MKLN1: variants seen among roughly 807,000 people sequenced by gnomAD.
The protein encoded by MKLN1 is muskelin 1, also known as muskelin.
MKLN1 carries 18 observed loss-of-function variants against 99.0 expected under a neutral mutation model. That is an observed-to-expected ratio of 0.18 (90% CI 0.13 to 0.27). MKLN1 has a LOEUF of 0.27. MKLN1 is among the 10% of genes least tolerant of loss of function. The pLI is 1.00. For synonymous variants in MKLN1, 288 were observed against 293.2 expected, an observed-to-expected ratio of 0.98 and a Z score of 0.18; for missense variants, 621 against 875.9, an observed-to-expected ratio of 0.71 and a Z score of 3.67.
At chr7:131,231,119 C>CA (rs58048470) in intron 3 of MKLN1, among the ~76,000 whole-genome samples, 5,050 of 60,134 alleles carry the variant, frequency 0.084, 524 homozygotes, top group East Asian at 0.18. Flanking sequence ...GACTCTGTCT[C>CA]AAAAAAAAAA....
chr7:131,230,540 C>T (rs1797226414), intron 3 of MKLN1, among the ~76,000 whole-genome samples: 1 of 152,208 alleles, frequency 6.6e-6, no homozygotes, highest in South Asian at 2.1e-4. Flanking sequence ...TTCTGATTAA[C>T]CCCAGTTCTG....
At chr7:131,347,974 C>T (rs1354628689) in intron 1 of MKLN1, among the ~76,000 whole-genome samples, 1 of 152,086 alleles carries the variant, frequency 6.6e-6, no homozygotes, top group Non-Finnish European at 1.5e-5. Flanking sequence ...TGGTTTGTGA[C>T]CTGATGAACA....
chr7:131,356,817 C>T (rs1487647801), intron 1 of MKLN1, among the ~76,000 whole-genome samples: 2 of 152,148 alleles, frequency 1.3e-5, no homozygotes, highest in African/African-American at 4.8e-5. Context: ...CAAGTTACCC[C>T]GATTCCGTAT....
chr7:131,341,112 A>C (rs529828712), intron 1 of MKLN1, among the ~76,000 whole-genome samples: 18 of 152,026 alleles, frequency 1.2e-4, no homozygotes, highest in Admixed American at 3.3e-4. Context: ...ATTTTGATTA[A>C]TTTTAAGTTA....
intron 3 of MKLN1, among the ~76,000 whole-genome samples, chr7:131,268,974 A>C (rs750694413): frequency 2.6e-5 from 4 of 152,234 alleles, no homozygotes; most frequent in Non-Finnish European, 4.4e-5. Flanking sequence ...TAACTTGTTC[A>C]CACATAGGAC....
intron 12 of MKLN1, among the ~76,000 whole-genome samples, chr7:131,457,477 T>C (rs953965134): frequency 1.3e-5 from 2 of 152,092 alleles, no homozygotes; most frequent in African/African-American, 2.4e-5. Context: ...AATTAATCAG[T>C]TGGAAGATTA....
intron 9 of MKLN1, among the ~76,000 whole-genome samples, chr7:131,434,707 C>T (rs1795627242): frequency 6.6e-6 from 1 of 152,120 alleles, no homozygotes; most frequent in African/African-American, 2.4e-5. Flanking sequence ...GCGCGTGCCT[C>T]CATGCCCAGC....
chr7:131,160,438 G>T (rs960714420), intron 2 of MKLN1, among the ~76,000 whole-genome samples: 17 of 150,718 alleles, frequency 1.1e-4, no homozygotes, highest in Middle Eastern at 3.5e-3. Context: ...ATACCTAGGA[G>T]AATTATTCAG....
chr7:131,398,247 T>C lies in MKLN1; in HGVS notation c.510+871T>C, dbSNP rs555794981. ...GAACATATTCCTGAAGTTGAGATTT[T>C]TTTAAAAAAATCCTTTTTATAAGAT... On this transcript the variant is annotated intron_variant, in intron 5 of 17. Coordinates refer to ENST00000352689, the MANE Select transcript of MKLN1 (RefSeq NM_013255.5). 3.2e-4 allele frequency among the ~76,000 whole-genome samples: 49 copies of C among 152,318 alleles called. 1 individual carries two copies. The highest frequency in any genetic ancestry group is 6.0e-4 in the Non-Finnish European group (41 of 68,022).
intron 6 of MKLN1, among the ~76,000 whole-genome samples, chr7:131,409,039 C>T (rs1372018091): frequency 6.6e-6 from 1 of 152,170 alleles, no homozygotes; most frequent in Non-Finnish European, 1.5e-5. Context: ...AATAGACTTA[C>T]AGAAATATTA....
chr7:131,439,721 T>G (rs182735859), intron 10 of MKLN1, among the ~76,000 whole-genome samples: 1 of 152,314 alleles, frequency 6.6e-6, no homozygotes, highest in East Asian at 1.9e-4. Flanking sequence ...CTATTTGCCA[T>G]TTTTAATTTT....
At chr7:131,275,766 A>G (rs78337302) in intron 3 of MKLN1, among the ~76,000 whole-genome samples, 7,667 of 151,102 alleles carry the variant, frequency 0.051, 261 homozygotes, top group East Asian at 0.16. Context: ...CAACATATCA[A>G]TTTGAGAGGT....
chr7:131,230,462 T>G (rs1027555747), intron 3 of MKLN1, among the ~76,000 whole-genome samples: 2 of 152,230 alleles, frequency 1.3e-5, no homozygotes, highest in Admixed American at 1.3e-4. Flanking sequence ...TGTTTGCTGC[T>G]GAGTTACTTT....
At chr7:131,234,596 T>A (rs190886766) in intron 3 of MKLN1, among the ~76,000 whole-genome samples, 149 of 152,312 alleles carry the variant, frequency 9.8e-4, no homozygotes, top group Non-Finnish European at 1.5e-3. Context: ...GAAAAAATGA[T>A]GTGTGGACTT....
chr7:131,128,829 G>T (rs998808878), intron 1 of MKLN1, among the ~76,000 whole-genome samples: 1 of 150,512 alleles, frequency 6.6e-6, no homozygotes, highest in Non-Finnish European at 1.5e-5. Context: ...CGAACTCCTG[G>T]ACTCAGGTGA....
chr7:131,222,180 G>A (rs1181661569), intron 3 of MKLN1, among the ~76,000 whole-genome samples: 2 of 152,182 alleles, frequency 1.3e-5, no homozygotes, highest in African/African-American at 2.4e-5. Context: ...AGGCCACTGT[G>A]CCTGGCCTCT....
intron 8 of MKLN1, among the ~76,000 whole-genome samples, chr7:131,427,564 A>AT (rs976310683): frequency 1.5e-4 from 23 of 151,944 alleles, no homozygotes; most frequent in South Asian, 6.2e-4. Context: ...TTTATTTTTC[A>AT]TTTTTTGAGA....
chr7:131,362,533 G>C (rs139473957), intron 1 of MKLN1, among the ~76,000 whole-genome samples: 208 of 152,148 alleles, frequency 1.4e-3, no homozygotes, highest in African/African-American at 4.3e-3. Context: ...TTCTTTGAGT[G>C]TGTAGATTCA....
At chr7:131,326,207 C>G (rs934304020), upstream of MKLN1, among the ~76,000 whole-genome samples, 4 of 152,162 alleles carry the variant, frequency 2.6e-5, no homozygotes, top group African/African-American at 9.7e-5. Flanking sequence ...ATCTCTGGGG[C>G]TAACATTCTC....
Sources: allele counts gnomAD v4.1 joint callset (sites outside exome capture counted in the v4.1 genomes callset), GRCh38; gene constraint gnomAD v4.1.1; transcripts MANE v1.5; gene names NCBI Gene and HGNC (gene_info 2026-07-23, HGNC 2026-07-21).